The following USH2A variants were observed in gnomAD, a reference collection of about 807,000 sequenced individuals.
USH2A encodes Usher syndrome 2A (autosomal recessive, mild).
In USH2A, 443 loss-of-function variants were observed where a neutral mutation model predicts 538.9. The ratio of observed to expected loss-of-function variants is 0.82; its 90% CI spans 0.76 to 0.89. The LOEUF (loss-of-function observed/expected upper bound fraction) is 0.89, where lower values mean the gene tolerates loss of function less well. Ranked by LOEUF, USH2A falls within the 40% of genes least tolerant of loss-of-function variation. USH2A has a pLI of 0.00. For synonymous variants in USH2A, 2,413 were observed against 2,273.5 expected (o/e 1.06, Z -1.75); for missense variants, 6,633 against 6,324.8 (o/e 1.05, Z -1.65).
At chr1:215,923,907 A>G (rs944939386) in intron 38 of USH2A, among the ~76,000 whole-genome samples, 4 of 151,728 alleles carry the variant, frequency 2.6e-5, no homozygotes, top group Non-Finnish European at 5.9e-5. Context: ...TTAAAATTTA[A>G]ATAGAGATGG....
At position 215,799,051 on chromosome 1, in the gene USH2A, G is replaced by C. The variant is rs1198810318; in HGVS notation, c.9814C>G (p.Pro3272Ala). Residue 3272 changes from proline (P) to alanine (A), a missense_variant, in exon 50 of 72, where the codon CCG (proline) becomes GCG (alanine). Pro to Ala is a conservative substitution (Grantham distance 27). Transcript: ENST00000307340. ...GIGDSCCGRM[P>A]YSTSGNQICC... is the part of the protein sequence containing the mutation. Reference sequence around the variant, plus strand: ...ATCTGGTTTCCTGAGGTGGAGTACGGCATTCTGCCACAGCAGGAATCACCA... The same window carrying C: ...ATCTGGTTTCCTGAGGTGGAGTACGCCATTCTGCCACAGCAGGAATCACCA... 6.2e-7 allele frequency: 1 copy of C among 1,614,028 alleles called. No homozygotes were observed. The highest frequency in any genetic ancestry group is 1.3e-5 in the African/African-American group (1 of 75,040).
intron 21 of USH2A, among the ~76,000 whole-genome samples, chr1:216,108,647 A>G (rs996025296): frequency 6.6e-6 from 1 of 151,510 alleles, no homozygotes; most frequent in African/African-American, 2.4e-5. Flanking sequence ...TTTTTAACCT[A>G]TTTTTCTCTT....
chr1:216,272,390 C>T (rs2036590701), intron 11 of USH2A, among the ~76,000 whole-genome samples: 1 of 152,080 alleles, frequency 6.6e-6, no homozygotes, highest in Admixed American at 6.6e-5. Context: ...GTTTTCTGCT[C>T]ATCAACTTTA....
chr1:215,630,007 C>G, intron 70 of USH2A: 1 of 465,170 alleles, frequency 2.1e-6, no homozygotes, highest in Non-Finnish European at 4.2e-6. Flanking sequence ...GATCTCCTGA[C>G]CTTGTGATCC....
intron 32 of USH2A, among the ~76,000 whole-genome samples, chr1:216,036,942 G>A (rs2030013557): frequency 6.6e-6 from 1 of 151,976 alleles, no homozygotes; most frequent in Non-Finnish European, 1.5e-5. Flanking sequence ...CATGGAAAAT[G>A]GAATTAAAAA....
In USH2A at chr1:215,625,815, T is replaced by A. The variant is rs761474352; in HGVS notation, c.15575A>T (p.Lys5192Met). Residue 5192 changes from lysine (K) to methionine (M), a missense_variant, in exon 72 of 72, where the codon AAG (lysine) becomes ATG (methionine). Lys to Met is a moderately conservative substitution (Grantham distance 95). Coordinates refer to ENST00000307340, the MANE Select transcript of USH2A (RefSeq NM_206933.4). Reference protein sequence around the residue: ...NAIKDFSSVTKERTTFTDTHL With the variant: ...NAIKDFSSVTMERTTFTDTHL The stretch of plus-strand genomic sequence containing the variant: ...GGTGTCTGTGAATGTGGTGCGTTCC[T>A]TAGTCACTGAGCTGAAATCCTTGAT... 2 of 1,614,162 alleles carry A rather than the reference T, an allele frequency of 1.2e-6. No homozygotes were observed. The highest frequency in any genetic ancestry group is 4.5e-5 in the East Asian group (2 of 44,878).
intron 37 of USH2A, among the ~76,000 whole-genome samples, chr1:215,943,873 A>G (rs1200473895): frequency 6.6e-6 from 1 of 152,174 alleles, no homozygotes; most frequent in African/African-American, 2.4e-5. Context: ...GCCTGAATTA[A>G]CCAAATTTGT....
intron 4 of USH2A, among the ~76,000 whole-genome samples, chr1:216,354,309 G>A (rs907349122): frequency 5.9e-5 from 9 of 152,030 alleles, no homozygotes; most frequent in East Asian, 1.9e-4. Flanking sequence ...ATTCTTTTAC[G>A]CAAAGTGTTT....
intron 38 of USH2A, among the ~76,000 whole-genome samples, chr1:215,932,631 G>A (rs1002776051): frequency 1.2e-4 from 18 of 152,108 alleles, no homozygotes; most frequent in South Asian, 6.2e-4. Flanking sequence ...AAACTTTAGC[G>A]AATCACTGTC....
chr1:216,159,183 T>A (rs2034006166), intron 21 of USH2A, among the ~76,000 whole-genome samples: 1 of 152,152 alleles, frequency 6.6e-6, no homozygotes, highest in Admixed American at 6.5e-5. Flanking sequence ...TACTTATTTA[T>A]TTTATTGCTA....
chr1:216,184,943 G>C (rs1441228128), intron 20 of USH2A, among the ~76,000 whole-genome samples: 1 of 151,968 alleles, frequency 6.6e-6, no homozygotes. Flanking sequence ...GTCAATTTAT[G>C]ACAGGCAAGG....
At chr1:216,120,139 C>T (rs932228706) in intron 21 of USH2A, among the ~76,000 whole-genome samples, 2 of 147,356 alleles carry the variant, frequency 1.4e-5, no homozygotes, top group Non-Finnish European at 1.5e-5. Context: ...CTATTAATGA[C>T]TCTTGACATT....
chr1:216,314,534 A>G (rs907443533), intron 9 of USH2A, among the ~76,000 whole-genome samples: 9 of 152,126 alleles, frequency 5.9e-5, no homozygotes, highest in African/African-American at 2.2e-4. Context: ...TAATATAAAT[A>G]TGACACAAAT....
chr1:216,262,917 CAAAT>C (rs372354096), intron 11 of USH2A, among the ~76,000 whole-genome samples: 4 of 152,030 alleles, frequency 2.6e-5, no homozygotes, highest in Non-Finnish European at 5.9e-5. Context: ...AAAAAAGACT[CAAAT>C]AAAATCAGAA....
intron 26 of USH2A, among the ~76,000 whole-genome samples, chr1:216,082,825 A>C (rs1252092642): frequency 6.6e-6 from 1 of 152,136 alleles, no homozygotes; most frequent in South Asian, 2.1e-4. Flanking sequence ...ATGTGGACAC[A>C]TAAATGACTC....
chr1:216,120,504 C>G (rs1355066982), intron 21 of USH2A, among the ~76,000 whole-genome samples: 1 of 151,654 alleles, frequency 6.6e-6, no homozygotes, highest in Non-Finnish European at 1.5e-5. Context: ...CTCAGCCTCC[C>G]GAGTAGCTGG....
chr1:216,086,097 T>C (rs2032124517), intron 24 of USH2A, among the ~76,000 whole-genome samples: 1 of 152,152 alleles, frequency 6.6e-6, no homozygotes, highest in Non-Finnish European at 1.5e-5. Flanking sequence ...TTTTTTCCTA[T>C]CTAAGGTTAA....
chr1:215,945,812 G>A (rs568053119), intron 37 of USH2A, among the ~76,000 whole-genome samples: 6 of 152,020 alleles, frequency 3.9e-5, no homozygotes, highest in Non-Finnish European at 5.9e-5. Flanking sequence ...ATCAAATATC[G>A]AGATTGATTG....
At chr1:215,689,277 C>T (rs777656788) in intron 61 of USH2A, among the ~76,000 whole-genome samples, 6 of 152,192 alleles carry the variant, frequency 3.9e-5, no homozygotes, top group Non-Finnish European at 5.9e-5. Flanking sequence ...CTCCCAAAAT[C>T]CAGTCTTGTA....
Sources: gnomAD v4.1 joint callset for allele counts (sites outside exome capture counted in the v4.1 genomes callset) on GRCh38, gnomAD v4.1.1 for gene constraint, MANE v1.5 for transcripts, NCBI Gene and HGNC (gene_info 2026-07-23, HGNC 2026-07-21) for gene names.